The following RABGAP1L variants were observed in gnomAD, a reference collection of about 807,000 sequenced individuals.
RABGAP1L encodes the protein RAB GTPase activating protein 1 like.
RABGAP1L carries 63 observed loss-of-function variants against 137.7 expected under a neutral mutation model. The observed-to-expected ratio is 0.46, with a 90% CI of 0.37 to 0.56. RABGAP1L has a LOEUF of 0.56. RABGAP1L is among the 20% of genes least tolerant of loss of function. The pLI is 0.00. For synonymous variants in RABGAP1L, 431 were observed against 433.7 expected (o/e 0.99, Z 0.08); for missense variants, 1,095 against 1,244.0 (o/e 0.88, Z 1.80).
intron 4 of RABGAP1L, among the ~76,000 whole-genome samples, chr1:174,232,805 C>G (rs1193173144): frequency 6.6e-6 from 1 of 151,720 alleles, no homozygotes; most frequent in Admixed American, 6.6e-5. Flanking sequence ...CTCCTACATT[C>G]GGCCTTTCCC....
chr1:174,563,297 G>A (rs1446789451), intron 13 of RABGAP1L, among the ~76,000 whole-genome samples: 3 of 152,124 alleles, frequency 2.0e-5, no homozygotes, highest in African/African-American at 7.2e-5. Context: ...ATTTCAATTT[G>A]CACAAGTATG....
chr1:174,833,468 A>ATATATATATATATATATATATATATAT (rs1279866308), intron 19 of RABGAP1L, among the ~76,000 whole-genome samples: 54 of 107,306 alleles, frequency 5.0e-4, no homozygotes, highest in Non-Finnish European at 7.4e-4. Flanking sequence ...ATATATATAT[A>ATATATATATATATATATATATATATAT]GTAGAGACAG....
At chr1:174,580,168 A>G (rs1477381510) in intron 13 of RABGAP1L, among the ~76,000 whole-genome samples, 2 of 152,360 alleles carry the variant, frequency 1.3e-5, no homozygotes, top group East Asian at 3.9e-4. Flanking sequence ...TTGTTGTATT[A>G]AACGACATCA....
At chr1:174,679,252 G>C (rs1416197807) in intron 14 of RABGAP1L, among the ~76,000 whole-genome samples, 2 of 152,180 alleles carry the variant, frequency 1.3e-5, no homozygotes, top group Non-Finnish European at 2.9e-5. Context: ...CAAGCCCCGT[G>C]TTTAAAGGTG....
chr1:174,394,532 C>A (rs1298643594), intron 13 of RABGAP1L, among the ~76,000 whole-genome samples: 1 of 151,980 alleles, frequency 6.6e-6, no homozygotes, highest in Non-Finnish European at 1.5e-5. Context: ...ATTAAAAATT[C>A]TTCTGTGCTT....
chr1:174,905,767 CTT>C (rs1316691581), intron 19 of RABGAP1L, among the ~76,000 whole-genome samples: 1 of 152,118 alleles, frequency 6.6e-6, no homozygotes, highest in Non-Finnish European at 1.5e-5. Flanking sequence ...AGGAGAATCA[CTT>C]GACCCCACAA....
At chr1:174,327,152 C>T (rs1038564953) in intron 11 of RABGAP1L, among the ~76,000 whole-genome samples, 1 of 152,024 alleles carries the variant, frequency 6.6e-6, no homozygotes, top group Non-Finnish European at 1.5e-5. Flanking sequence ...AGTAAGTGTC[C>T]AGGCAAATTC....
intron 17 of RABGAP1L, among the ~76,000 whole-genome samples, chr1:174,735,770 A>T (rs947037139): frequency 6.6e-6 from 1 of 152,130 alleles, no homozygotes; most frequent in Non-Finnish European, 1.5e-5. Context: ...ATCATAGTGG[A>T]AGGTGAAGAG....
intron 13 of RABGAP1L, among the ~76,000 whole-genome samples, chr1:174,581,839 C>A (rs1377330005): frequency 6.6e-6 from 1 of 152,004 alleles, no homozygotes; most frequent in African/African-American, 2.4e-5. Flanking sequence ...TAATAAGAAA[C>A]AACAGGTAAA....
intron 7 of RABGAP1L, among the ~76,000 whole-genome samples, chr1:174,265,211 T>C (rs1399753312): frequency 1.3e-5 from 2 of 152,230 alleles, no homozygotes; most frequent in Non-Finnish European, 2.9e-5. Flanking sequence ...TTTTGATGCA[T>C]ATAGCTAGTA....
intron 1 of RABGAP1L, among the ~76,000 whole-genome samples, chr1:174,189,392 ATCT>A (rs1240297752): frequency 1.3e-5 from 2 of 152,228 alleles, no homozygotes; most frequent in African/African-American, 4.8e-5. Context: ...TCTTAGCCAG[ATCT>A]TCTGGATAAC....
rs1680614572 is a variant in RABGAP1L, at chr1:174,327,976, T to TAC, written c.1465+22850_1465+22851insCA. 1.6e-4 allele frequency among the ~76,000 whole-genome samples: 5 copies of TAC among 30,692 alleles called. No individual in the cohort carries two copies. In the South Asian group the frequency reaches 2.3e-3, roughly 14 times the overall value. 20.1% of individuals were successfully genotyped at this position (30,692 alleles called of 152,430 possible). A position where few individuals can be genotyped will look rare whatever the true frequency, so the allele number is the denominator to read the frequency against. Reference sequence around the variant, plus strand: ...TTGTAAATATATATATATATATATATATACACACACATATATATATATATA... The same window carrying TAC: ...TTGTAAATATATATATATATATATATACATACACACACATATATATATATATA... On this transcript the variant is annotated intron_variant, in intron 11 of 25. Transcript: ENST00000681986.
chr1:174,540,351 G>A (rs1439875674), intron 13 of RABGAP1L, among the ~76,000 whole-genome samples: 2 of 152,110 alleles, frequency 1.3e-5, no homozygotes, highest in Non-Finnish European at 2.9e-5. Context: ...TGGTGTTTTA[G>A]TCATGAAGTC....
chr1:174,730,584 C>G (rs1279159972), intron 17 of RABGAP1L, among the ~76,000 whole-genome samples: 1 of 152,128 alleles, frequency 6.6e-6, no homozygotes, highest in Non-Finnish European at 1.5e-5. Flanking sequence ...ATGCTATTCT[C>G]TTGATGTTTG....
In RABGAP1L at chr1:174,159,776, C is replaced by T. The variant is rs150714967; in HGVS notation, c.-34+119C>T. The T allele has an allele frequency of 7.1e-3, 1,079 of 152,580 alleles. 9 individuals are homozygous for T. The highest frequency in any genetic ancestry group is 0.013 in the Admixed American group (199 of 15,304). 9.5% of individuals were successfully genotyped at this position (152,580 alleles called of 1,614,324 possible). A position where few individuals can be genotyped will look rare whatever the true frequency, so the allele number is the denominator to read the frequency against. On this transcript the variant is annotated intron_variant, in intron 1 of 25. Coordinates refer to ENST00000681986, the MANE Select transcript of RABGAP1L (RefSeq NM_001366446.1). ...GCCTGGGGAGGGTCGAGATGGGGCC[C>T]CAGCCGAGGACTGGGATGCGGGAGG... is the stretch of plus-strand genomic sequence containing the variant.
At chr1:174,440,192 G>A (rs1653958608) in intron 13 of RABGAP1L, among the ~76,000 whole-genome samples, 1 of 152,152 alleles carries the variant, frequency 6.6e-6, no homozygotes, top group Non-Finnish European at 1.5e-5. Context: ...TAGAAGAGAA[G>A]TGAGACTGGA....
intron 18 of RABGAP1L, among the ~76,000 whole-genome samples, chr1:174,764,962 GGGGATGT>G (rs1685552321): frequency 6.6e-6 from 1 of 152,108 alleles, no homozygotes; most frequent in African/African-American, 2.4e-5. Flanking sequence ...TTCCTCCCTT[GGGGATGT>G]GAATACCTGT....
intron 19 of RABGAP1L, 100 bp downstream of exon 19, chr1:174,812,060 T>G: frequency 2.7e-6 from 3 of 1,127,182 alleles, no homozygotes; most frequent in Non-Finnish European, 3.6e-6. Context: ...GGTTTGATTA[T>G]GTTTAAGATT....
chr1:174,918,385 G>C (rs1479831252), intron 19 of RABGAP1L, among the ~76,000 whole-genome samples: 1 of 152,058 alleles, frequency 6.6e-6, no homozygotes, highest in African/African-American at 2.4e-5. Context: ...TGATTCCATA[G>C]CTCCAGTTAT....
Sources: gnomAD v4.1 joint callset for allele counts (sites outside exome capture counted in the v4.1 genomes callset) on GRCh38, gnomAD v4.1.1 for gene constraint, MANE v1.5 for transcripts, NCBI Gene and HGNC (gene_info 2026-07-23, HGNC 2026-07-21) for gene names.